Variants in TMEM132D observed in about 807,000 individuals in gnomAD.
TMEM132D encodes transmembrane protein 132D.
In TMEM132D, 21 loss-of-function variants were observed where a neutral mutation model predicts 62.3. The observed-to-expected ratio is 0.34, with a 90% confidence interval of 0.24 to 0.49. The LOEUF (loss-of-function observed/expected upper bound fraction) is 0.49, where lower values mean the gene tolerates loss of function less well. Ranked by LOEUF, TMEM132D falls within the 20% of genes least tolerant of loss-of-function variation. The pLI is 0.99. For missense variants in TMEM132D, 1,346 were observed against 1,402.8 expected, an observed-to-expected ratio of 0.96 and a Z score of 0.65; for synonymous variants, 621 against 575.6, an observed-to-expected ratio of 1.08 and a Z score of -1.13.
chr12:129,106,097 A>G (rs1175714053), intron 5 of TMEM132D, among the ~76,000 whole-genome samples: 1 of 151,270 alleles, frequency 6.6e-6, no homozygotes, highest in Non-Finnish European at 1.5e-5. Flanking sequence ...ATAAAAAATG[A>G]TGAGTTCATG....
intron 1 of TMEM132D, among the ~76,000 whole-genome samples, chr12:129,742,739 C>T (rs201058524): frequency 6.6e-6 from 1 of 152,178 alleles, no homozygotes; most frequent in Non-Finnish European, 1.5e-5. Context: ...CTCCTTAAAA[C>T]AAATTGCTGT....
chr12:129,166,244 C>G (rs544163233), intron 5 of TMEM132D, among the ~76,000 whole-genome samples: 2 of 151,938 alleles, frequency 1.3e-5, no homozygotes, highest in South Asian at 4.2e-4. Flanking sequence ...AACTCTCATT[C>G]GACTGAGTGT....
chr12:129,716,059 G>A (rs1046682554), intron 1 of TMEM132D, among the ~76,000 whole-genome samples: 11 of 152,316 alleles, frequency 7.2e-5, no homozygotes, highest in African/African-American at 2.4e-4. Context: ...GTAGAAAGCG[G>A]TAGATAAATC....
At chr12:129,158,156 G>A (rs779837663) in intron 5 of TMEM132D, among the ~76,000 whole-genome samples, 2 of 152,102 alleles carry the variant, frequency 1.3e-5, no homozygotes, top group Non-Finnish European at 2.9e-5. Context: ...GAGAGATGAC[G>A]GTAGCAGGGC....
chr12:129,383,654 G>T (rs926865962), intron 3 of TMEM132D, among the ~76,000 whole-genome samples: 3 of 152,166 alleles, frequency 2.0e-5, no homozygotes, highest in African/African-American at 7.2e-5. Context: ...GGCCAGGCTG[G>T]TCTCGAACTC....
intron 1 of TMEM132D, among the ~76,000 whole-genome samples, chr12:129,855,113 G>C (rs1289602497): frequency 7.6e-6 from 1 of 131,272 alleles, no homozygotes; most frequent in Non-Finnish European, 1.7e-5. Flanking sequence ...CCGGGGGAAC[G>C]GGATGGCTGC....
chr12:129,176,989 C>T (rs375087300), intron 5 of TMEM132D, among the ~76,000 whole-genome samples: 34 of 152,322 alleles, frequency 2.2e-4, no homozygotes, highest in East Asian at 9.6e-4. Context: ...GTCTTGACCG[C>T]GCTTCAGGCT....
At chr12:129,238,235 G>T (rs1373070819) in intron 4 of TMEM132D, among the ~76,000 whole-genome samples, 3 of 152,122 alleles carry the variant, frequency 2.0e-5, no homozygotes, top group Admixed American at 6.5e-5. Flanking sequence ...GCAATAGAAG[G>T]TTTTTAAGAC....
chr12:129,658,751 A>C (rs923217796), intron 2 of TMEM132D, among the ~76,000 whole-genome samples: 5 of 152,174 alleles, frequency 3.3e-5, no homozygotes, highest in Non-Finnish European at 7.4e-5. Flanking sequence ...GCATTCAACT[A>C]TTAATTCAGA....
chr12:129,218,791 C>T (rs1879276177), intron 4 of TMEM132D, among the ~76,000 whole-genome samples: 2 of 152,132 alleles, frequency 1.3e-5, no homozygotes, highest in Admixed American at 1.3e-4. Context: ...TTGAATTCCC[C>T]CCAAAACAGG....
At position 129,375,218 on chromosome 12, in the gene TMEM132D, C is replaced by A. The variant is rs151186107; in HGVS notation, c.1116-37401G>T. On this transcript the variant is annotated intron_variant, in intron 3 of 8. Transcript: ENST00000422113. ...ATAAATCAACATCAAATATGTTATG[C>A]TCAGCCTTATAATAATTCAATAAAT... Among the ~76,000 whole-genome samples the A allele has an allele frequency of 9.2e-5, 14 of 152,338 alleles. No individual in the cohort carries two copies. The East Asian group carries it at 2.7e-3, about 29-fold the overall frequency.
chr12:129,195,557 C>T lies in TMEM132D; in HGVS notation c.1443+13963G>A, dbSNP rs141035435. Among the ~76,000 whole-genome samples the T allele has an allele frequency of 6.6e-5, 10 of 152,174 alleles. No homozygotes were observed. In the East Asian group the frequency reaches 1.9e-3, roughly 29 times the overall value. ...AACAAGGAGAAGCTCATAGGAAATT[C>T]ATATTACCTTGTGACCCTGACCCAC... is the stretch of plus-strand genomic sequence containing the variant. On this transcript the variant is annotated intron_variant, in intron 5 of 8. Coordinates refer to ENST00000422113, the MANE Select transcript of TMEM132D (RefSeq NM_133448.3).
chr12:129,317,833 A>T (rs1868534806), intron 4 of TMEM132D, among the ~76,000 whole-genome samples: 1 of 151,928 alleles, frequency 6.6e-6, no homozygotes, highest in Non-Finnish European at 1.5e-5. Context: ...GGCTTTGTTC[A>T]TATTTTCTTA....
At chr12:129,408,746 CTG>C (rs980847021) in intron 3 of TMEM132D, among the ~76,000 whole-genome samples, 2 of 152,028 alleles carry the variant, frequency 1.3e-5, no homozygotes, top group African/African-American at 4.8e-5. Context: ...ATATATCTAT[CTG>C]TGTTTGCATA....
At chr12:129,848,756 A>G (rs1446905126) in intron 1 of TMEM132D, among the ~76,000 whole-genome samples, 1 of 152,150 alleles carries the variant, frequency 6.6e-6, no homozygotes, top group Non-Finnish European at 1.5e-5. Context: ...CCAAAGATTG[A>G]TTCTTGGAGT....
intron 3 of TMEM132D, chr12:129,522,406 C>A (rs1380381734): frequency 6.6e-6 from 1 of 151,852 alleles, no homozygotes; most frequent in Admixed American, 6.6e-5. Flanking sequence ...TTTTAATGTT[C>A]CATGAAATAC....
Position 129,887,384 on chromosome 12 carries a change from C to A in TMEM132D, c.79+15877G>T, listed in dbSNP as rs558693187. ...AAATATTGACAAGACATTCACAGTG[C>A]AGCCACATTAAACATATTTGTAAGC... On this transcript the variant is annotated intron_variant, in intron 1 of 8. Coordinates refer to ENST00000422113, the MANE Select transcript of TMEM132D (RefSeq NM_133448.3). 4.6e-5 allele frequency among the ~76,000 whole-genome samples: 7 copies of A among 152,196 alleles called. No individual in the cohort carries two copies. The South Asian group carries it at 8.3e-4, about 18-fold the overall frequency.
chr12:129,141,021 C>G (rs192340945), intron 5 of TMEM132D, among the ~76,000 whole-genome samples: 10 of 152,132 alleles, frequency 6.6e-5, no homozygotes, highest in African/African-American at 2.4e-4. Flanking sequence ...TATTAAAGGC[C>G]CTGCATTTTG....
chr12:129,728,888 GC>G (rs1869126231), intron 1 of TMEM132D, among the ~76,000 whole-genome samples: 1 of 152,128 alleles, frequency 6.6e-6, no homozygotes, highest in Admixed American at 6.5e-5. Flanking sequence ...TGTCCTCATT[GC>G]CCACAGCAGA....
Sources: gnomAD v4.1 joint callset for allele counts (sites outside exome capture counted in the v4.1 genomes callset) on GRCh38, gnomAD v4.1.1 for gene constraint, MANE v1.5 for transcripts, NCBI Gene and HGNC (gene_info 2026-07-23, HGNC 2026-07-21) for gene names.